DOCK8: variants seen among roughly 807,000 people sequenced by gnomAD.
The protein encoded by DOCK8 is dedicator of cytokinesis 8.
DOCK8 carries 141 observed loss-of-function variants against 245.6 expected under a neutral mutation model. The observed-to-expected ratio is 0.57, with a 90% CI of 0.50 to 0.66. DOCK8 has a LOEUF of 0.66. Among genes scored for constraint, DOCK8 ranks in the 30% least tolerant of loss-of-function variants. The pLI, the probability that DOCK8 is intolerant of heterozygous loss-of-function variation, is 0.00. For missense variants in DOCK8, 2,965 were observed against 2,603.4 expected (o/e 1.14, Z -3.02); for synonymous variants, 1,168 against 970.2 (o/e 1.20, Z -3.79).
At chr9:396,718 C>T in intron 24 of DOCK8, 67 bp from the exon 25 acceptor site, 3 of 1,596,606 alleles carry the variant, frequency 1.9e-6, no homozygotes, top group Admixed American at 1.7e-5. Flanking sequence ...AGTCTTTCCC[C>T]CTTTTCTGCA....
intron 1 of DOCK8, among the ~76,000 whole-genome samples, chr9:241,643 G>A (rs1268652557): frequency 6.6e-6 from 1 of 152,142 alleles, no homozygotes; most frequent in East Asian, 1.9e-4. Context: ...CACGTAAGTT[G>A]ATTCCATATC....
At chr9:218,612 A>G (rs1365888930) in intron 1 of DOCK8, among the ~76,000 whole-genome samples, 1 of 152,200 alleles carries the variant, frequency 6.6e-6, no homozygotes, top group South Asian at 2.1e-4. Context: ...ACTGGAATTT[A>G]GTGCCTTTGT....
intron 1 of DOCK8, among the ~76,000 whole-genome samples, chr9:232,574 T>C (rs199867272): frequency 6.6e-6 from 1 of 152,168 alleles, no homozygotes; most frequent in Non-Finnish European, 1.5e-5. Flanking sequence ...CAATTTCAGA[T>C]CCTGTTATTT....
chr9:400,782 C>G (rs915036110), intron 26 of DOCK8, among the ~76,000 whole-genome samples: 1 of 63,304 alleles, frequency 1.6e-5, no homozygotes, highest in Non-Finnish European at 3.2e-5. Context: ...ACCACCACCA[C>G]CTCCACCATC....
intron 1 of DOCK8, among the ~76,000 whole-genome samples, chr9:263,313 A>T (rs766526028): frequency 6.6e-6 from 1 of 151,994 alleles, no homozygotes; most frequent in Non-Finnish European, 1.5e-5. Context: ...TAGTCATTAC[A>T]ACAATACATG....
chr9:242,536 C>A (rs1467963085), intron 1 of DOCK8, among the ~76,000 whole-genome samples: 1 of 152,214 alleles, frequency 6.6e-6, no homozygotes, highest in Non-Finnish European at 1.5e-5. Context: ...CTGTATCCCT[C>A]ATATGCATTA....
intron 14 of DOCK8, among the ~76,000 whole-genome samples, chr9:344,467 C>T (rs954359163): frequency 2.6e-5 from 4 of 152,080 alleles, no homozygotes; most frequent in African/African-American, 4.8e-5. Context: ...CTTTCCTGCA[C>T]CTCCCCCCAT....
chr9:396,022 A>G (rs1197422478), intron 24 of DOCK8, among the ~76,000 whole-genome samples: 1 of 152,138 alleles, frequency 6.6e-6, no homozygotes, highest in Non-Finnish European at 1.5e-5. Context: ...AGATATCTAT[A>G]TAGAGATACT....
At chr9:281,641 C>CTG (rs60099453) in intron 2 of DOCK8, among the ~76,000 whole-genome samples, 18,102 of 150,728 alleles carry the variant, frequency 0.12, 1,332 homozygotes, top group Non-Finnish European at 0.18. Flanking sequence ...GTTTGTGTGC[C>CTG]TGTGTGTGTG....
intron 24 of DOCK8, among the ~76,000 whole-genome samples, chr9:393,085 C>CA (rs1159933739): frequency 0.033 from 1,454 of 44,708 alleles, 121 homozygotes; most frequent in East Asian, 0.04. Context: ...GACCCTGTCT[C>CA]AAAAAAAAAA....
At chr9:459,705 A>T (rs1302287768) in intron 46 of DOCK8, 1 of 152,204 alleles carries the variant, frequency 6.6e-6, no homozygotes. Context: ...AGTGACTAGG[A>T]CTTGAATTAC....
At chr9:366,042 G>C (rs1406240259) in intron 14 of DOCK8, 1 of 187,108 alleles carries the variant, frequency 5.3e-6, no homozygotes, top group African/African-American at 2.4e-5. Context: ...AAACAGCCCT[G>C]CAGTGGGCCT....
At chr9:243,508 CTT>C (rs2047427065) in intron 1 of DOCK8, among the ~76,000 whole-genome samples, 1 of 152,156 alleles carries the variant, frequency 6.6e-6, no homozygotes, top group South Asian at 2.1e-4. Context: ...TTCTTGGCCT[CTT>C]TGCTGAGATC....
intron 26 of DOCK8, among the ~76,000 whole-genome samples, chr9:403,147 C>G (rs1402649246): frequency 6.6e-6 from 1 of 152,192 alleles, no homozygotes; most frequent in Admixed American, 6.5e-5. Flanking sequence ...CCTCTGCCTC[C>G]CGAAGTGCTG....
In DOCK8 at chr9:274,239, CA is replaced by C. The variant is rs367806262; in HGVS notation, c.156+2512del. Among the ~76,000 whole-genome samples the C allele has an allele frequency of 6.3e-3, 956 of 152,232 alleles. 17 individuals are homozygous for C. The highest frequency in any genetic ancestry group is 0.022 in the African/African-American group (914 of 41,526). On this transcript the variant is annotated intron_variant, in intron 2 of 47. Coordinates refer to ENST00000432829, the MANE Select transcript of DOCK8 (RefSeq NM_203447.4). ...TTCTAAGATATCAAGAAACCAGCAACAATAAGTAAAATTGTTAAATTATGCA... is the reference window on the plus strand; with the variant it reads ...TTCTAAGATATCAAGAAACCAGCAACATAAGTAAAATTGTTAAATTATGCA...
chr9:299,449 G>C (rs1474625548), intron 4 of DOCK8, among the ~76,000 whole-genome samples: 1 of 152,050 alleles, frequency 6.6e-6, no homozygotes, highest in African/African-American at 2.4e-5. Flanking sequence ...TTTTTGTAGA[G>C]ATGCGGTTTC....
At position 420,933 on chromosome 9, in the gene DOCK8, C is replaced by T. The variant is rs2056249741; in HGVS notation, c.4024-16C>T. 3 of 1,614,036 alleles carry T rather than the reference C, an allele frequency of 1.9e-6. No individual in the cohort carries two copies. Among genetic ancestry groups the T allele is most frequent in the Admixed American group, 1.7e-5 (1 of 60,000 alleles). ...TCTCACCAAAGGACATGTCCTCCTA[C>T]CTCTGTCTTGTCCAGGGAAAACAGA... On this transcript the variant is annotated splice_polypyrimidine_tract_variant and intron_variant, in intron 31 of 47. Transcript: ENST00000432829.
intron 4 of DOCK8, among the ~76,000 whole-genome samples, chr9:292,387 CAAAAAA>C (rs5895837): frequency 4.8e-5 from 3 of 63,068 alleles, no homozygotes; most frequent in African/African-American, 1.4e-4. Flanking sequence ...AACTCCGTCT[CAAAAAA>C]AAAAAAAAAA....
chr9:411,226 A>G (rs966037791), intron 28 of DOCK8, among the ~76,000 whole-genome samples: 3 of 152,134 alleles, frequency 2.0e-5, no homozygotes. Flanking sequence ...CAGCCTGGCC[A>G]AGGTGATGAA....
Sources: gnomAD v4.1 joint callset for allele counts (sites outside exome capture counted in the v4.1 genomes callset) on GRCh38, gnomAD v4.1.1 for gene constraint, MANE v1.5 for transcripts, NCBI Gene and HGNC (gene_info 2026-07-23, HGNC 2026-07-21) for gene names.